Variants in CCDC171 observed in about 807,000 individuals in gnomAD.
CCDC171 encodes the protein coiled-coil domain-containing protein 171.
In CCDC171, 177 loss-of-function variants were observed where a neutral mutation model predicts 168.2. The observed-to-expected ratio is 1.05, with a 90% CI of 0.93 to 1.19. CCDC171 has a LOEUF of 1.19. Ranked by LOEUF, CCDC171 falls within the 50% of genes most tolerant of loss-of-function variation. CCDC171 has a pLI of 0.00. For missense variants in CCDC171, 1,991 were observed against 1,539.0 expected (o/e 1.29, Z -4.91); for synonymous variants, 687 against 540.8 (o/e 1.27, Z -3.75).
rs1340603202 is a variant in CCDC171 at position 15,601,958 on chromosome 9, T to A, written c.675+7786T>A. Among the ~76,000 whole-genome samples the A allele has an allele frequency of 5.3e-5, 8 of 152,242 alleles. No homozygotes were observed. In the East Asian group the frequency reaches 1.5e-3, roughly 29 times the overall value. On this transcript the variant is annotated intron_variant, in intron 6 of 25. Coordinates refer to ENST00000380701, the MANE Select transcript of CCDC171 (RefSeq NM_173550.4). ...AATCCTAAATGAAACATTGTGGTTATACCAAAGTTTATATGTGAAGTACTA... is the reference window on the plus strand; with the variant it reads ...AATCCTAAATGAAACATTGTGGTTAAACCAAAGTTTATATGTGAAGTACTA...
chr9:15,937,863 T>C (rs1827281688), intron 25 of CCDC171, among the ~76,000 whole-genome samples: 2 of 151,936 alleles, frequency 1.3e-5, no homozygotes, highest in South Asian at 4.1e-4. Context: ...CTGTGAATCA[T>C]GTATGGACAA....
chr9:15,556,953 G>A (rs928750922), intron 1 of CCDC171, among the ~76,000 whole-genome samples: 7 of 152,050 alleles, frequency 4.6e-5, no homozygotes, highest in African/African-American at 1.7e-4. Flanking sequence ...TCAGCTTTCT[G>A]CATATGGCTA....
intron 1 of CCDC171, among the ~76,000 whole-genome samples, chr9:15,559,380 A>G (rs942818965): frequency 1.3e-5 from 2 of 152,086 alleles, no homozygotes; most frequent in African/African-American, 2.4e-5. Flanking sequence ...GTCTCTTTGT[A>G]GGTCTCTAAG....
rs534113875 is a variant in CCDC171 at position 15,591,388 on chromosome 9, A to G, written c.375A>G (p.Ala125=). ...KLCAQNSELQ[A]KTNETEKAFQ... ...TAGCACAGAATTCAGAACTTCAAGC[A>G]AAGACAAATGAGACTGAGAAAGCAT... Residue 125 remains alanine, a synonymous_variant, in exon 5 of 26, where the codon GCA becomes GCG. Coordinates refer to ENST00000380701, the MANE Select transcript of CCDC171 (RefSeq NM_173550.4). 6 of 1,602,778 alleles carry G rather than the reference A, an allele frequency of 3.7e-6. No individual in the cohort carries two copies. Among genetic ancestry groups the G allele is most frequent in the African/African-American group, 1.3e-5 (1 of 74,152 alleles).
At chr9:16,070,149 G>A in the CCDC171 span, among the ~76,000 whole-genome samples, 14 of 152,296 alleles carry the variant, frequency 9.2e-5, no homozygotes, top group African/African-American at 3.1e-4. Context: ...AAGAAAGAGT[G>A]AGGGGTGAAG....
intron 7 of CCDC171, among the ~76,000 whole-genome samples, chr9:15,653,473 A>AT (rs1485495586): frequency 6.6e-6 from 1 of 151,604 alleles, no homozygotes; most frequent in African/African-American, 2.4e-5. Context: ...TAATGATACC[A>AT]TTGCCATACT....
At chr9:15,899,921 T>G (rs987661423) in intron 24 of CCDC171, among the ~76,000 whole-genome samples, 2 of 152,188 alleles carry the variant, frequency 1.3e-5, no homozygotes, top group African/African-American at 2.4e-5. Context: ...GTCTAAGAAC[T>G]CTTTACCAAG....
At position 15,615,056 on chromosome 9, in the gene CCDC171, G is replaced by C. The variant is rs549644529; in HGVS notation, c.676-8211G>C. Among the ~76,000 whole-genome samples, 8 of 152,170 alleles carry C rather than the reference G, an allele frequency of 5.3e-5. No individual in the cohort carries two copies. The South Asian group carries it at 1.5e-3, about 28-fold the overall frequency. On this transcript the variant is annotated intron_variant, in intron 6 of 25. Coordinates refer to ENST00000380701, the MANE Select transcript of CCDC171 (RefSeq NM_173550.4). ...GATAGCATAATCTTGATACCAAACT[G>C]ACAAGGATAGAAGAAAAGATAATTA...
At chr9:15,867,672 A>T (rs2061848403) in intron 23 of CCDC171, among the ~76,000 whole-genome samples, 1 of 152,082 alleles carries the variant, frequency 6.6e-6, no homozygotes, top group Non-Finnish European at 1.5e-5. Flanking sequence ...TAAAACCTTG[A>T]CAAACTAAAG....
Position 15,648,504 on chromosome 9 carries a change from G to A in CCDC171, c.823-8623G>A, listed in dbSNP as rs980128774. 9.2e-5 allele frequency among the ~76,000 whole-genome samples: 14 copies of A among 152,232 alleles called. 1 individual carries two copies. Among genetic ancestry groups the A allele is most frequent in the Admixed American group, 2.0e-4 (3 of 15,298 alleles). ...GATTGTATATTTAGAAAACCCCATCGTCTCAGCCCAAAATCTCCTTAAGCT... is the reference window on the plus strand; with the variant it reads ...GATTGTATATTTAGAAAACCCCATCATCTCAGCCCAAAATCTCCTTAAGCT... On this transcript the variant is annotated intron_variant, in intron 7 of 25. Coordinates refer to ENST00000380701, the MANE Select transcript of CCDC171 (RefSeq NM_173550.4).
chr9:15,825,210 A>T (rs1178815870), intron 21 of CCDC171, among the ~76,000 whole-genome samples: 1 of 152,142 alleles, frequency 6.6e-6, no homozygotes, highest in Non-Finnish European at 1.5e-5. Context: ...AGATTGCTAT[A>T]GTCTCCTGCA....
chr9:15,657,409 C>T (rs958795241), intron 8 of CCDC171, among the ~76,000 whole-genome samples, 190 bp downstream of exon 8: 3 of 152,130 alleles, frequency 2.0e-5, no homozygotes, highest in Admixed American at 1.3e-4. Flanking sequence ...AGTTGGCACA[C>T]TATAGCCTAC....
At chr9:16,071,750 C>T in the CCDC171 span, among the ~76,000 whole-genome samples, 1 of 152,134 alleles carries the variant, frequency 6.6e-6, no homozygotes, top group South Asian at 2.1e-4. Context: ...GAATCATCCA[C>T]CAGGTCTTCA....
chr9:15,999,507 C>T (rs577959414), intron 3 of CCDC171, among the ~76,000 whole-genome samples: 58 of 152,238 alleles, frequency 3.8e-4, no homozygotes, highest in African/African-American at 1.2e-3. Context: ...AGCACCCGCA[C>T]GCAGCTCGGA....
chr9:15,810,425 G>T (rs1267147851), intron 21 of CCDC171, among the ~76,000 whole-genome samples: 1 of 151,718 alleles, frequency 6.6e-6, no homozygotes, highest in Non-Finnish European at 1.5e-5. Context: ...GAGGTAAATG[G>T]GACCGGGCGC....
the CCDC171 span, among the ~76,000 whole-genome samples, chr9:16,073,150 T>G: frequency 3.3e-5 from 5 of 152,226 alleles, no homozygotes; most frequent in Non-Finnish European, 7.3e-5. Flanking sequence ...AGACTGGGTC[T>G]GGGACTGAAG....
At chr9:15,767,580 T>G (rs182070495) in intron 18 of CCDC171, among the ~76,000 whole-genome samples, 93 of 152,022 alleles carry the variant, frequency 6.1e-4, no homozygotes, top group African/African-American at 2.1e-3. Context: ...TGGACATCTT[T>G]AGCGAGGTCA....
the CCDC171 span, among the ~76,000 whole-genome samples, chr9:16,099,469 C>T: frequency 6.6e-6 from 1 of 152,178 alleles, no homozygotes; most frequent in African/African-American, 2.4e-5. Context: ...CGTGATGCAA[C>T]CTGAAGACGA....
intron 21 of CCDC171, among the ~76,000 whole-genome samples, chr9:15,833,240 C>T (rs944628232): frequency 2.0e-5 from 3 of 152,096 alleles, no homozygotes; most frequent in African/African-American, 4.8e-5. Context: ...GATCTGCCCA[C>T]CTCGGCCTCC....
Sources: gnomAD v4.1 joint callset for allele counts (sites outside exome capture counted in the v4.1 genomes callset) on GRCh38, gnomAD v4.1.1 for gene constraint, MANE v1.5 for transcripts, NCBI Gene and HGNC (gene_info 2026-07-23, HGNC 2026-07-21) for gene names.